The following PGAP3 variants were observed in gnomAD, a reference collection of about 807,000 sequenced individuals.
The protein encoded by PGAP3 is GPI-specific phospholipase A2-like PGAP3.
A neutral mutation model predicts 40.3 loss-of-function variants in PGAP3; 31 were observed. The ratio of observed to expected loss-of-function variants is 0.77; its 90% CI spans 0.58 to 1.04. PGAP3 has a LOEUF of 1.04. Ranked by LOEUF, PGAP3 falls within the 50% of genes least tolerant of loss-of-function variation. The probability of loss-of-function intolerance (pLI) is 0.00; values close to 1 mark genes in which losing one functional copy is unlikely to be tolerated. For missense variants in PGAP3, 413 were observed against 423.0 expected (o/e 0.98, Z 0.21); for synonymous variants, 191 against 184.5 (o/e 1.04, Z -0.29).
chr17:39,680,596 C>A (rs1180677843), intron 3 of PGAP3, among the ~76,000 whole-genome samples: 1 of 152,180 alleles, frequency 6.6e-6, no homozygotes, highest in Non-Finnish European at 1.5e-5. Flanking sequence ...ATTCCGGGGT[C>A]TCCTTCAGTT....
chr17:39,680,944 G>C (rs2057431969), intron 3 of PGAP3, among the ~76,000 whole-genome samples: 1 of 151,958 alleles, frequency 6.6e-6, no homozygotes, highest in Non-Finnish European at 1.5e-5. Flanking sequence ...GCTCACTGCA[G>C]CCTCGACCTC....
chr17:39,683,440 C>G (rs747120821), intron 3 of PGAP3, among the ~76,000 whole-genome samples: 12 of 152,188 alleles, frequency 7.9e-5, no homozygotes, highest in Non-Finnish European at 1.2e-4. Context: ...CACCTCTCCC[C>G]GACTGCACTT....
chr17:39,674,725 T>A, intron 3 of PGAP3, 46 bp from the exon 4 acceptor site: 1 of 1,505,644 alleles, frequency 6.6e-7, no homozygotes, highest in Non-Finnish European at 9.0e-7. Flanking sequence ...CACCCTGACC[T>A]CAAGGCAGGG....
At chr17:39,685,775 C>G (rs1011999334) in intron 2 of PGAP3, 147 bp downstream of exon 2, 5 of 639,604 alleles carry the variant, frequency 7.8e-6, no homozygotes, top group Non-Finnish European at 1.1e-5. Flanking sequence ...CTATGGAAAC[C>G]AGCAGATTTT....
intron 3 of PGAP3, among the ~76,000 whole-genome samples, chr17:39,677,600 A>G (rs920614502): frequency 6.6e-6 from 1 of 152,128 alleles, no homozygotes; most frequent in African/African-American, 2.4e-5. Context: ...GCCACGCTCA[A>G]GTGAAGGGGG....
At chr17:39,684,273 C>G (rs1350599856) in intron 3 of PGAP3, among the ~76,000 whole-genome samples, 1 of 152,132 alleles carries the variant, frequency 6.6e-6, no homozygotes, top group African/African-American at 2.4e-5. Flanking sequence ...TCCCAGCATC[C>G]TCTTTAGCCC....
chr17:39,677,390 C>T (rs893453931), intron 3 of PGAP3, among the ~76,000 whole-genome samples: 4 of 152,148 alleles, frequency 2.6e-5, no homozygotes, highest in African/African-American at 9.7e-5. Context: ...CAGGGTCTCT[C>T]CATTCCAGAA....
At chr17:39,678,723 G>A (rs763026740) in intron 3 of PGAP3, among the ~76,000 whole-genome samples, 3 of 152,118 alleles carry the variant, frequency 2.0e-5, no homozygotes, top group African/African-American at 7.2e-5. Context: ...ATACAGCTCA[G>A]GATCCCTCCC....
At position 39,679,387 on chromosome 17, in the gene PGAP3, G is replaced by T. The variant is rs62074884; in HGVS notation, c.433-4708C>A. Among the ~76,000 whole-genome samples, 319 of 152,306 alleles carry T rather than the reference G, an allele frequency of 2.1e-3. 2 individuals are homozygous for T. Among genetic ancestry groups the T allele is most frequent in the Non-Finnish European group, 2.7e-3 (183 of 68,022 alleles). ...CCAAGAATCAGGGATGACAAGACCA[G>T]ATCTGTGAAGTGACCCCTGGCCTCT... On this transcript the variant is annotated intron_variant, in intron 3 of 7. Transcript: ENST00000300658.
chr17:39,682,894 T>C (rs570179679), intron 3 of PGAP3, among the ~76,000 whole-genome samples: 3 of 151,996 alleles, frequency 2.0e-5, no homozygotes, highest in African/African-American at 4.8e-5. Context: ...CTGGCCAACA[T>C]AGTGAAACCC....
chr17:39,673,710 C>T, intron 5 of PGAP3, 60 bp from the exon 6 acceptor site: 1 of 1,596,378 alleles, frequency 6.3e-7, no homozygotes, highest in African/African-American at 1.3e-5. Context: ...GCAGCATTCC[C>T]TGAAGCATCT....
intron 5 of PGAP3, 89 bp downstream of exon 5, chr17:39,673,904 A>T: frequency 6.9e-7 from 1 of 1,457,072 alleles, no homozygotes; most frequent in Non-Finnish European, 9.5e-7. Context: ...TTGGGAGACT[A>T]GTGAAGAAGG....
At chr17:39,687,611 G>A (rs997390655) in intron 1 of PGAP3, among the ~76,000 whole-genome samples, 2 of 152,148 alleles carry the variant, frequency 1.3e-5, no homozygotes, top group Non-Finnish European at 1.5e-5. Context: ...ATTGTGGCCC[G>A]AATGTATTTA....
At chr17:39,675,322 G>A (rs1394784459) in intron 3 of PGAP3, among the ~76,000 whole-genome samples, 1 of 152,248 alleles carries the variant, frequency 6.6e-6, no homozygotes, top group Non-Finnish European at 1.5e-5. Context: ...GGGCCCAGGG[G>A]AATGTTTGAG....
intron 3 of PGAP3, among the ~76,000 whole-genome samples, chr17:39,676,321 G>A (rs951029539): frequency 6.6e-4 from 100 of 152,160 alleles, no homozygotes; most frequent in African/African-American, 2.3e-3. Flanking sequence ...AGAGGAAGGC[G>A]GCAGGGACTG....
chr17:39,686,619 G>A (rs2057535860), intron 1 of PGAP3, among the ~76,000 whole-genome samples: 2 of 150,130 alleles, frequency 1.3e-5, no homozygotes, highest in African/African-American at 4.9e-5. Context: ...GAGTGCAGTG[G>A]GGAGAGCATG....
At chr17:39,677,679 TGAG>T (rs1402055315) in intron 3 of PGAP3, among the ~76,000 whole-genome samples, 1 of 150,780 alleles carries the variant, frequency 6.6e-6, no homozygotes, top group African/African-American at 2.4e-5. Flanking sequence ...GCGTAAACAC[TGAG>T]GAGAGGGGGT....
At chr17:39,673,763 C>G (rs983005812) in intron 5 of PGAP3, 113 bp from the exon 6 acceptor site, 3 of 1,434,072 alleles carry the variant, frequency 2.1e-6, no homozygotes, top group Non-Finnish European at 2.8e-6. Context: ...GTCACTACCC[C>G]TCTCCCCACC....
chr17:39,686,658 C>G (rs1271388837), intron 1 of PGAP3, among the ~76,000 whole-genome samples: 1 of 150,476 alleles, frequency 6.6e-6, no homozygotes, highest in East Asian at 2.0e-4. Context: ...CTCCTGGGCT[C>G]AAACGATCCT....
Sources: gnomAD v4.1 joint callset for allele counts (sites outside exome capture counted in the v4.1 genomes callset) on GRCh38, gnomAD v4.1.1 for gene constraint, MANE v1.5 for transcripts, NCBI Gene and HGNC (gene_info 2026-07-23, HGNC 2026-07-21) for gene names.